ASXL1: variants seen among roughly 807,000 people sequenced by gnomAD.
ASXL1 encodes ASXL transcriptional regulator 1.
In ASXL1, 65 loss-of-function variants were observed where a neutral mutation model predicts 89.1. That is an observed-to-expected ratio of 0.73 (90% CI 0.60 to 0.90). ASXL1 has a LOEUF of 0.90. Ranked by LOEUF, ASXL1 falls within the 40% of genes least tolerant of loss-of-function variation. ASXL1 has a pLI of 0.00. For synonymous variants in ASXL1, 739 were observed against 746.9 expected (o/e 0.99, Z 0.17); for missense variants, 1,786 against 1,942.9 (o/e 0.92, Z 1.52).
At chr20:32,380,851 C>T (rs528550375) in intron 4 of ASXL1, among the ~76,000 whole-genome samples, 1 of 152,250 alleles carries the variant, frequency 6.6e-6, no homozygotes, top group East Asian at 1.9e-4. Context: ...AATCATGGAG[C>T]TTATCATTTG....
At chr20:32,377,559 A>G (rs1015809346) in intron 4 of ASXL1, among the ~76,000 whole-genome samples, 3 of 152,140 alleles carry the variant, frequency 2.0e-5, no homozygotes, top group African/African-American at 7.2e-5. Context: ...TATTTACCAC[A>G]TACATAGTAA....
At chr20:32,397,652 C>G (rs1315484877) in intron 4 of ASXL1, among the ~76,000 whole-genome samples, 1 of 152,000 alleles carries the variant, frequency 6.6e-6, no homozygotes, top group Non-Finnish European at 1.5e-5. Flanking sequence ...CCACCTGGGC[C>G]TCCCAAATGC....
intron 4 of ASXL1, among the ~76,000 whole-genome samples, chr20:32,424,780 T>TA (rs2011226460): frequency 6.6e-6 from 1 of 152,252 alleles, no homozygotes; most frequent in African/African-American, 2.4e-5. Context: ...GGAAATACCT[T>TA]AAAATTTTTT....
chr20:32,359,365 A>G, intron 1 of ASXL1: 1 of 702,538 alleles, frequency 1.4e-6, no homozygotes, highest in African/African-American at 1.7e-5. Flanking sequence ...GCTTACTCCC[A>G]GCTTGAACCC....
chr20:32,432,426 C>T (rs1885292), intron 10 of ASXL1: 72,156 of 198,262 alleles, frequency 0.36, 14,651 homozygotes, highest in East Asian at 0.74. Context: ...ACCCAGCTTC[C>T]AGATTCCCAA....
intron 4 of ASXL1, among the ~76,000 whole-genome samples, chr20:32,397,250 CTTTTTTTTTTTTT>C (rs71187116): frequency 0.017 from 116 of 6,986 alleles, 2 homozygotes; most frequent in Middle Eastern, 0.17. Flanking sequence ...CCATGCCTGG[CTTTTTTTTTTTTT>C]TTTTTTTTTT....
intron 4 of ASXL1, among the ~76,000 whole-genome samples, chr20:32,404,480 G>A (rs146826740): frequency 2.0e-4 from 31 of 152,212 alleles, no homozygotes; most frequent in African/African-American, 7.5e-4. Flanking sequence ...ATGTTAGTGT[G>A]TTGATCTGTA....
chr20:32,375,225 G>A (rs1214788226), intron 4 of ASXL1, among the ~76,000 whole-genome samples: 1 of 152,090 alleles, frequency 6.6e-6, no homozygotes, highest in African/African-American at 2.4e-5. Flanking sequence ...CAGCAGTTTG[G>A]GAGGCTGAGT....
chr20:32,418,344 G>T (rs947016975), intron 4 of ASXL1, among the ~76,000 whole-genome samples: 3 of 152,050 alleles, frequency 2.0e-5, no homozygotes, highest in African/African-American at 7.2e-5. Flanking sequence ...TGGCACTTTA[G>T]CCTGGGCCCG....
intron 4 of ASXL1, among the ~76,000 whole-genome samples, chr20:32,377,589 C>G (rs186452574): frequency 6.6e-6 from 1 of 152,084 alleles, no homozygotes; most frequent in Non-Finnish European, 1.5e-5. Context: ...AGGATGGGGC[C>G]CAAGTCTAAA....
intron 4 of ASXL1, among the ~76,000 whole-genome samples, chr20:32,370,253 G>A (rs1315834747): frequency 6.6e-6 from 1 of 151,984 alleles, no homozygotes; most frequent in African/African-American, 2.4e-5. Flanking sequence ...GATATATATG[G>A]TAATCATTTA....
At chr20:32,359,653 C>G (rs764951191) in intron 1 of ASXL1, 217 of 716,676 alleles carry the variant, frequency 3.0e-4, no homozygotes, top group Non-Finnish European at 5.3e-4. Flanking sequence ...GTATGTTGGA[C>G]AAAGACAAAG....
intron 4 of ASXL1, among the ~76,000 whole-genome samples, chr20:32,398,025 G>T (rs570349061): frequency 6.6e-6 from 1 of 152,044 alleles, no homozygotes; most frequent in African/African-American, 2.4e-5. Flanking sequence ...CGTATAGATC[G>T]GTTCGTTTGT....
Position 32,434,948 on chromosome 20 carries a change from G to A in ASXL1, c.2236G>A (p.Ala746Thr), listed in dbSNP as rs759026497. ...TGGACTCACAGATGGGCTAGGAGAT[G>A]CCTCCCAACTCCCCGTTGCTCCCAC... is the stretch of plus-strand genomic sequence containing the variant. ...TVGLTDGLGD[A>T]SQLPVAPTGD... is the part of the protein sequence containing the mutation. Residue 746 changes from alanine (A) to threonine (T), a missense_variant, in exon 13 of 13, where the codon GCC becomes ACC. By Grantham distance (58) the Ala-to-Thr change is moderately conservative (BLOSUM62 0). This residue lies in a region of ASXL1 where 1,418 missense variants were observed against 1,427.8 expected (regional missense o/e 0.99). Transcript: ENST00000375687. The A allele has an allele frequency of 2.0e-5, 33 of 1,614,046 alleles. No homozygotes were observed. The South Asian group carries it at 3.5e-4, about 17-fold the overall frequency.
At chr20:32,426,792 T>G (rs1159896023) in intron 4 of ASXL1, among the ~76,000 whole-genome samples, 1 of 151,874 alleles carries the variant, frequency 6.6e-6, no homozygotes, top group African/African-American at 2.4e-5. Flanking sequence ...TCTCCTGACC[T>G]CGTGATCCAC....
chr20:32,400,320 G>A (rs1379464927), intron 4 of ASXL1, among the ~76,000 whole-genome samples: 1 of 152,002 alleles, frequency 6.6e-6, no homozygotes, highest in Non-Finnish European at 1.5e-5. Context: ...TGGGTGCTGG[G>A]GATATTTGTA....
intron 4 of ASXL1, among the ~76,000 whole-genome samples, chr20:32,397,959 A>G (rs747594609): frequency 6.6e-6 from 1 of 152,180 alleles, no homozygotes; most frequent in South Asian, 2.1e-4. Context: ...CATTGCATTT[A>G]GTTGTCATGT....
intron 4 of ASXL1, among the ~76,000 whole-genome samples, chr20:32,370,291 A>G (rs2048280725): frequency 6.6e-6 from 1 of 152,144 alleles, no homozygotes; most frequent in Non-Finnish European, 1.5e-5. Flanking sequence ...GTTTTTCTGT[A>G]AAGGACCAGA....
intron 6 of ASXL1, chr20:32,428,898 T>G (rs147261931): frequency 3.3e-6 from 1 of 303,360 alleles, no homozygotes; most frequent in Non-Finnish European, 6.4e-6. Flanking sequence ...TGACCTCAAG[T>G]GGTCTGTCCA....
Sources: gnomAD v4.1 joint callset for allele counts (sites outside exome capture counted in the v4.1 genomes callset) on GRCh38, gnomAD v4.1.1 for gene constraint, gnomAD v4.1.1 regional missense constraint, MANE v1.5 for transcripts, NCBI Gene and HGNC (gene_info 2026-07-23, HGNC 2026-07-21) for gene names.